The following CARD14 variants were observed in gnomAD, a reference collection of about 807,000 sequenced individuals.
The protein encoded by CARD14 is caspase recruitment domain family member 14.
In CARD14, 107 loss-of-function variants were observed where a neutral mutation model predicts 111.5. That is an observed-to-expected ratio of 0.96 (90% CI 0.82 to 1.13). CARD14 has a LOEUF of 1.13. Among genes scored for constraint, CARD14 ranks in the 50% most tolerant of loss-of-function variants. The pLI, the probability that CARD14 is intolerant of heterozygous loss-of-function variation, is 0.00. For missense variants in CARD14, 1,322 were observed against 1,362.3 expected (o/e 0.97, Z 0.47); for synonymous variants, 617 against 579.6 (o/e 1.06, Z -0.93).
intron 4 of CARD14, among the ~76,000 whole-genome samples, chr17:80,180,478 A>G (rs1002799092): frequency 3.3e-5 from 5 of 152,100 alleles, no homozygotes; most frequent in African/African-American, 1.2e-4. Context: ...TCCCCAGCAC[A>G]TTTCCCTCAT....
In CARD14 at chr17:80,203,818, G is replaced by GCA. The variant is rs2041123174; in HGVS notation, c.2220-3_2220-2dup. The GCA allele has an allele frequency of 6.4e-7, 1 of 1,570,030 alleles. No individual in the cohort carries two copies. Among genetic ancestry groups the GCA allele is most frequent in the Non-Finnish European group, 8.6e-7 (1 of 1,157,448 alleles). ...TGGGTCAGGGCCTCTGCTGGTCTCT[G>GCA]CAGGGCTCAGCAGCAGCTCATAGCC... On this transcript the variant is annotated splice_region_variant and splice_polypyrimidine_tract_variant and intron_variant, in intron 18 of 23. Transcript: ENST00000648509. The surrounding 1 kb of genome is among the most constrained non-coding windows in gnomAD (Gnocchi z 4.6).
At chr17:80,206,788 A>C (rs4889837) in intron 22 of CARD14, 182 bp from the exon 23 acceptor site, 1 of 412,824 alleles carries the variant, frequency 2.4e-6, no homozygotes, top group Non-Finnish European at 4.3e-6. Flanking sequence ...AAATAAAAAT[A>C]AAAAAAAGAG....
In CARD14 at chr17:80,204,271, G is replaced by A; in HGVS notation, c.2328G>A (p.Met776Ile). 1.2e-6 allele frequency: 2 copies of A among 1,601,624 alleles called. No individual in the cohort carries two copies. The highest frequency in any genetic ancestry group is 1.7e-6 in the Non-Finnish European group (2 of 1,170,612). ...GPQKLVRIVS[M>I]DKAKASPLRL... is the part of the protein sequence containing the mutation. ...AGAAGCTGGTCCGCATCGTCAGTAT[G>A]GACAAAGCCAAGGCCAGCCCTCTGC... Residue 776 changes from methionine to isoleucine, a missense_variant, in exon 20 of 24, where the codon ATG (methionine) becomes ATA (isoleucine). Coordinates refer to ENST00000648509, the MANE Select transcript of CARD14 (RefSeq NM_001366385.1).
rs1220950502 is a variant in CARD14, at chr17:80,195,189, A to C, written c.1357-2A>C. ...CACTGACTTCTGCCCTCCCTCCTCC[A>C]GTCTCAGCTCTTGTCGGACCTGAGT... On this transcript the variant is annotated splice_acceptor_variant, in intron 12 of 23. Transcript: ENST00000648509. LOFTEE classifies it high-confidence loss of function. This position sits in a 1 kb window ranked among gnomAD's most constrained non-coding sequence, Gnocchi z 4.7. The C allele has an allele frequency of 1.3e-6, 2 of 1,598,846 alleles. No homozygotes were observed. The highest frequency in any genetic ancestry group is 3.4e-5 in the Admixed American group (2 of 59,518).
At chr17:80,196,345 C>CA (rs1476955833) in intron 14 of CARD14, 1 of 152,226 alleles carries the variant, frequency 6.6e-6, no homozygotes, top group Non-Finnish European at 1.5e-5. Flanking sequence ...TTTGGGGACT[C>CA]ATACACGTTT....
chr17:80,201,440 CTTTCTTTTCT>C lies in CARD14; in HGVS notation c.1852-290_1852-281del, dbSNP rs3217504. The stretch of plus-strand genomic sequence containing the variant: ...TCTTGAATGTTCTAGAACCGAGGTT[CTTTCTTTTCT>C]TTTCTTTTCTTTTTCAAGACAGGAA... On this transcript the variant is annotated intron_variant, in intron 16 of 23. Transcript: ENST00000648509. The surrounding 1 kb of genome is among the most constrained non-coding windows in gnomAD (Gnocchi z 5.0). The C allele has an allele frequency of 3.9e-4, 145 of 369,748 alleles. No individual in the cohort carries two copies. The highest frequency in any genetic ancestry group is 2.8e-3 in the African/African-American group (129 of 46,570). The allele number at this position is 369,748 out of a possible 1,614,324, so 22.9% of individuals were successfully genotyped here.
In CARD14 at chr17:80,190,818, T is replaced by G; in HGVS notation, c.1008T>G (p.Ser336Arg). The G allele has an allele frequency of 6.2e-7, 1 of 1,613,658 alleles. No individual in the cohort carries two copies. Among genetic ancestry groups the G allele is most frequent in the Non-Finnish European group, 8.5e-7 (1 of 1,179,964 alleles). Residue 336 changes from serine (S) to arginine (R), a missense_variant, in exon 10 of 24, where the codon AGT becomes AGG. By Grantham distance (110) the Ser-to-Arg change is moderately radical (BLOSUM62 -1). Coordinates refer to ENST00000648509, the MANE Select transcript of CARD14 (RefSeq NM_001366385.1). ...AGACCCTGCTGCAGTTCCAGAAGAG[T>G]AAGATGGCCTGCCAACTCTACAGGG... is the stretch of plus-strand genomic sequence containing the variant. ...KEQTLLQFQK[S>R]KMACQLYREK...
intron 22 of CARD14, among the ~76,000 whole-genome samples, chr17:80,206,439 C>A (rs2041312158): frequency 6.6e-6 from 1 of 152,174 alleles, no homozygotes; most frequent in South Asian, 2.1e-4. Flanking sequence ...CACAGTGAGA[C>A]ACCCGTCTCT....
Position 80,173,522 on chromosome 17 carries a change from G to T in CARD14, c.-367+294G>T, listed in dbSNP as rs550425446. Among the ~76,000 whole-genome samples the T allele has an allele frequency of 1.9e-4, 29 of 151,410 alleles. 1 individual carries two copies. Among genetic ancestry groups the T allele is most frequent in the African/African-American group, 6.1e-4 (25 of 41,288 alleles). ...TTCAGCTCAGATGTTGCTGGCAAAA[G>T]TTTTTTTTTATTATTTTTATTTTTT... is the stretch of plus-strand genomic sequence containing the variant. On this transcript the variant is annotated intron_variant, in intron 2 of 23. Coordinates refer to ENST00000648509, the MANE Select transcript of CARD14 (RefSeq NM_001366385.1).
chr17:80,187,333 C>T (rs755598647), intron 7 of CARD14, among the ~76,000 whole-genome samples: 6 of 152,242 alleles, frequency 3.9e-5, no homozygotes, highest in Non-Finnish European at 7.3e-5. Flanking sequence ...TTGCTCAAGG[C>T]TGAGGGTTTG....
At position 80,208,327 on chromosome 17, in the gene CARD14, G is replaced by A. The variant is rs1411024608; in HGVS notation, c.2997G>A (p.Thr999=). 6 of 1,599,876 alleles carry A rather than the reference G, an allele frequency of 3.8e-6. No individual in the cohort carries two copies. Among genetic ancestry groups the A allele is most frequent in the East Asian group, 2.3e-5 (1 of 44,394 alleles). The change falls in exon 24 of 24, where the codon ACG becomes ACA. Residue 999 remains threonine (T), a synonymous_variant. Transcript: ENST00000648509. ...IADEQKKVVW[T]EQSPR ...ACGAGCAGAAGAAGGTGGTGTGGAC[G>A]GAGCAGAGCCCCCGATGATGCACCG...
chr17:80,180,703 T>C (rs1008891812), intron 4 of CARD14, among the ~76,000 whole-genome samples: 1 of 151,772 alleles, frequency 6.6e-6, no homozygotes, highest in African/African-American at 2.4e-5. Flanking sequence ...ATAAAGAACT[T>C]ATAAAGCAGC....
At chr17:80,207,884 A>C (rs2041426533) in intron 23 of CARD14, among the ~76,000 whole-genome samples, 1 of 151,940 alleles carries the variant, frequency 6.6e-6, no homozygotes, top group Non-Finnish European at 1.5e-5. Flanking sequence ...AAAAGTAAAA[A>C]AATTACTTGG....
intron 18 of CARD14, chr17:80,202,652 T>C: frequency 3.7e-6 from 5 of 1,365,332 alleles, no homozygotes; most frequent in Non-Finnish European, 3.8e-6. Context: ...CTGGGTTTCT[T>C]AGCTCTGGGT....
At position 80,208,411 on chromosome 17, in the gene CARD14, A is replaced by C; in HGVS notation, c.*66A>C. The C allele has an allele frequency of 7.2e-7, 1 of 1,397,720 alleles. No individual in the cohort carries two copies. Among genetic ancestry groups the C allele is most frequent in the Non-Finnish European group, 9.7e-7 (1 of 1,035,998 alleles). The allele number at this position is 1,397,720 out of a possible 1,614,324, so 86.6% of individuals were successfully genotyped here. A position where few individuals can be genotyped will look rare whatever the true frequency, so the allele number is the denominator to read the frequency against. On this transcript the variant is annotated 3_prime_UTR_variant, in exon 24 of 24. Transcript: ENST00000648509. ...GCCTGTTAATGCAGTCCTGTTCCTC[A>C]GCCCAGGCCCTCTTGGCACAGCTGT...
In CARD14 at chr17:80,181,642, G is replaced by A; in HGVS notation, c.204G>A (p.Met68Ile). 6.5e-7 allele frequency: 1 copy of A among 1,547,084 alleles called. No homozygotes were observed. The highest frequency in any genetic ancestry group is 8.7e-7 in the Non-Finnish European group (1 of 1,146,542). The change falls in exon 5 of 24, where the codon ATG (methionine) becomes ATA (isoleucine). Residue 68 changes from methionine to isoleucine, a missense_variant. Met to Ile is a conservative substitution (Grantham distance 10). Coordinates refer to ENST00000648509, the MANE Select transcript of CARD14 (RefSeq NM_001366385.1). The part of the protein sequence containing the change: ...LHSPRLTNSA[M>I]RAGHLLDLLK... ...GCCCCCGGCTCACCAACAGCGCCAT[G>A]CGGGCCGGTGAGCGCAGCTCCCTCT... is the stretch of plus-strand genomic sequence containing the variant.
Position 80,181,566 on chromosome 17 carries a change from T to TGC in CARD14, c.131_132dup (p.Gln45AlafsTer34). On this transcript the variant is annotated frameshift_variant, in exon 5 of 24. Coordinates refer to ENST00000648509, the MANE Select transcript of CARD14 (RefSeq NM_001366385.1). LOFTEE classifies it high-confidence loss of function. ...TGCCCCAGCCGCCTCACCCCCTACC[T>TGC]GCGCCAGGCCAAGGTGCTGTGCCAG... The TGC allele has an allele frequency of 1.3e-6, 2 of 1,567,050 alleles. No homozygotes were observed. Among genetic ancestry groups the TGC allele is most frequent in the Non-Finnish European group, 1.7e-6 (2 of 1,156,246 alleles).
chr17:80,170,804 C>G (rs1199734625), intron 1 of CARD14, among the ~76,000 whole-genome samples: 1 of 99,114 alleles, frequency 1.0e-5, no homozygotes, highest in East Asian at 4.0e-4. Flanking sequence ...CGTCCCCTCC[C>G]CTCCTCTCCC....
chr17:80,184,973 G>C (rs2040296981), intron 7 of CARD14, among the ~76,000 whole-genome samples: 1 of 152,240 alleles, frequency 6.6e-6, no homozygotes, highest in African/African-American at 2.4e-5. Flanking sequence ...TGATCTGACT[G>C]ATTGGTAAGG....
Sources: allele counts gnomAD v4.1 joint callset (sites outside exome capture counted in the v4.1 genomes callset), GRCh38; gene constraint gnomAD v4.1.1; non-coding constraint Gnocchi (gnomAD v3.1); transcripts MANE v1.5; gene names NCBI Gene and HGNC (gene_info 2026-07-23, HGNC 2026-07-21).